The following KANSL1 variants were observed in gnomAD, a reference collection of about 807,000 sequenced individuals.
KANSL1 encodes the protein KAT8 regulatory NSL complex subunit 1, also known as MLL1/MLL complex subunit KANSL1.
Under a neutral mutation model 103.6 loss-of-function variants are expected in KANSL1, and 22 were observed. The observed-to-expected ratio is 0.21, with a 90% CI of 0.15 to 0.30. The LOEUF is 0.30. KANSL1 is among the 10% of genes least tolerant of loss of function. The pLI is 1.00. For missense variants in KANSL1, 1,337 were observed against 1,399.8 expected, an observed-to-expected ratio of 0.96 and a Z score of 0.72; for synonymous variants, 600 against 527.6, an observed-to-expected ratio of 1.14 and a Z score of -1.88.
intron 2 of KANSL1, among the ~76,000 whole-genome samples, chr17:46,167,267 G>C (rs561501761): frequency 6.6e-6 from 1 of 151,920 alleles, no homozygotes; most frequent in South Asian, 2.1e-4. Flanking sequence ...AAACAAAATT[G>C]CAGGGAAAAA....
At chr17:46,038,787 A>T in intron 9 of KANSL1, 101 bp from the exon 10 acceptor site, 2 of 1,439,654 alleles carry the variant, frequency 1.4e-6, no homozygotes, top group Non-Finnish European at 1.9e-6. Context: ...AAAGGCAAAA[A>T]TGTTTTCTAT....
intron 2 of KANSL1, among the ~76,000 whole-genome samples, chr17:46,113,508 T>A (rs145870080): frequency 2.0e-5 from 3 of 152,334 alleles, no homozygotes; most frequent in South Asian, 2.1e-4. Context: ...TATGCAAGCC[T>A]TTGTGTCTCT....
At chr17:46,125,662 G>C (rs1203075602) in intron 2 of KANSL1, among the ~76,000 whole-genome samples, 1 of 152,120 alleles carries the variant, frequency 6.6e-6, no homozygotes, top group Non-Finnish European at 1.5e-5. Flanking sequence ...TACATTCAAA[G>C]GAAACATAAA....
At chr17:46,173,517 C>A (rs1406073) in intron 1 of KANSL1, among the ~76,000 whole-genome samples, 18,258 of 150,350 alleles carry the variant, frequency 0.12, 21 homozygotes, top group Middle Eastern at 0.19. Context: ...GCCAGTTGTT[C>A]TTTAAAGTGT....
chr17:46,149,203 G>C (rs1042800584), intron 2 of KANSL1, among the ~76,000 whole-genome samples: 6 of 151,854 alleles, frequency 4.0e-5, no homozygotes, highest in African/African-American at 7.3e-5. Context: ...GGTGTTTCAC[G>C]TGTTAGCCAG....
rs775460035 is a variant in KANSL1, at chr17:46,031,468, T to C, written c.*8A>G. ...GTTAGTGAGTCTGTTTAGATGGCTG[T>C]CTCCCGCTCATCTGTGAGTCGGGCG... On this transcript the variant is annotated 3_prime_UTR_variant, in exon 15 of 15. Transcript: ENST00000432791. 1.9e-6 allele frequency: 3 copies of C among 1,591,390 alleles called. No homozygotes were observed. Among genetic ancestry groups the C allele is most frequent in the East Asian group, 2.3e-5 (1 of 44,340 alleles).
At chr17:46,092,221 G>A (rs1164538725) in intron 3 of KANSL1, among the ~76,000 whole-genome samples, 1 of 152,210 alleles carries the variant, frequency 6.6e-6, no homozygotes, top group African/African-American at 2.4e-5. Flanking sequence ...CTTTTGTTAA[G>A]CAATGTGTGA....
intron 1 of KANSL1, among the ~76,000 whole-genome samples, chr17:46,211,937 T>A (rs180783035): frequency 6.6e-6 from 1 of 152,336 alleles, no homozygotes; most frequent in Admixed American, 6.5e-5. Flanking sequence ...TTTCTGAGGT[T>A]AACATCTTAA....
intron 6 of KANSL1, among the ~76,000 whole-genome samples, chr17:46,062,134 A>ACC (rs1555743505): frequency 3.0e-5 from 4 of 132,750 alleles, no homozygotes; most frequent in Non-Finnish European, 4.9e-5. Context: ...AAAAAAAAAA[A>ACC]CATGTTACAG....
intron 4 of KANSL1, among the ~76,000 whole-genome samples, chr17:46,071,986 C>CCCCCCCCCCCCCCCG (rs754370743): frequency 7.0e-6 from 1 of 142,664 alleles, no homozygotes; most frequent in Non-Finnish European, 1.5e-5. Context: ...CCCCCCACCC[C>CCCCCCCCCCCCCCCG]TCCCCCCGCC....
At chr17:46,123,928 T>C (rs2043397848) in intron 2 of KANSL1, among the ~76,000 whole-genome samples, 1 of 152,206 alleles carries the variant, frequency 6.6e-6, no homozygotes, top group East Asian at 1.9e-4. Flanking sequence ...GAAGACACAA[T>C]CCAAAACTTT....
intron 2 of KANSL1, among the ~76,000 whole-genome samples, chr17:46,167,476 G>A (rs957234709): frequency 6.6e-6 from 1 of 152,182 alleles, no homozygotes; most frequent in African/African-American, 2.4e-5. Context: ...TTAAATTCCT[G>A]TACCTTCCAC....
chr17:46,154,615 G>A (rs1171087884), intron 2 of KANSL1, among the ~76,000 whole-genome samples: 2 of 152,068 alleles, frequency 1.3e-5, no homozygotes, highest in Admixed American at 1.3e-4. Flanking sequence ...AGAGAATGAA[G>A]GGAAGGGTAG....
intron 2 of KANSL1, among the ~76,000 whole-genome samples, chr17:46,163,164 A>G (rs1396912849): frequency 6.6e-6 from 1 of 152,206 alleles, no homozygotes; most frequent in Non-Finnish European, 1.5e-5. Flanking sequence ...TCTCTAATCT[A>G]TATTCCCCAT....
At chr17:46,109,770 GA>G (rs1278699595) in intron 2 of KANSL1, among the ~76,000 whole-genome samples, 1 of 152,210 alleles carries the variant, frequency 6.6e-6, no homozygotes, top group African/African-American at 2.4e-5. Context: ...ACAAGCTTCT[GA>G]CTACCATACC....
At chr17:46,195,161 G>A (rs1016571260), upstream of KANSL1, among the ~76,000 whole-genome samples, 3 of 152,182 alleles carry the variant, frequency 2.0e-5, no homozygotes, top group African/African-American at 4.8e-5. Context: ...AACAGATGGC[G>A]AACTAGAGCC....
At chr17:46,135,623 C>A (rs1172946446) in intron 2 of KANSL1, among the ~76,000 whole-genome samples, 1 of 141,312 alleles carries the variant, frequency 7.1e-6, no homozygotes, top group East Asian at 2.1e-4. Context: ...TGGCTCATTT[C>A]AGCCTTGACT....
intron 4 of KANSL1, among the ~76,000 whole-genome samples, chr17:46,077,794 G>A (rs1226371855): frequency 6.6e-6 from 1 of 152,028 alleles, no homozygotes; most frequent in African/African-American, 2.4e-5. Context: ...CTGACCTCAG[G>A]TGATCCACCC....
At chr17:46,185,690 T>TACAC (rs1285810639) in intron 1 of KANSL1, among the ~76,000 whole-genome samples, 232 of 65,908 alleles carry the variant, frequency 3.5e-3, no homozygotes, top group Middle Eastern at 0.025. Context: ...CACACACATA[T>TACAC]ATACACACAC....
Sources: gnomAD v4.1 joint callset for allele counts (sites outside exome capture counted in the v4.1 genomes callset) on GRCh38, gnomAD v4.1.1 for gene constraint, MANE v1.5 for transcripts, NCBI Gene and HGNC (gene_info 2026-07-23, HGNC 2026-07-21) for gene names.